SLC39A11: variants seen among roughly 807,000 people sequenced by gnomAD.
The protein encoded by SLC39A11 is zinc transporter ZIP11.
SLC39A11 carries 33 observed loss-of-function variants against 36.1 expected under a neutral mutation model. The ratio of observed to expected loss-of-function variants is 0.91; its 90% CI spans 0.69 to 1.22. The LOEUF (loss-of-function observed/expected upper bound fraction) is 1.22, where lower values mean the gene tolerates loss of function less well. Ranked by LOEUF, SLC39A11 falls within the 50% of genes most tolerant of loss-of-function variation. The pLI, the probability that SLC39A11 is intolerant of heterozygous loss-of-function variation, is 0.00. For synonymous variants in SLC39A11, 166 were observed against 170.3 expected (o/e 0.97, Z 0.20); for missense variants, 432 against 430.3 (o/e 1.00, Z -0.03).
chr17:72,932,221 T>A (rs940609508), intron 5 of SLC39A11, among the ~76,000 whole-genome samples: 6 of 152,026 alleles, frequency 3.9e-5, no homozygotes, highest in African/African-American at 1.4e-4. Flanking sequence ...ACTAAGGAGC[T>A]GAGTCAGAAT....
intron 5 of SLC39A11, among the ~76,000 whole-genome samples, chr17:72,921,386 T>C (rs1052604473): frequency 4.6e-5 from 7 of 152,136 alleles, no homozygotes; most frequent in African/African-American, 1.7e-4. Flanking sequence ...TGAACACTTG[T>C]CACAGAAAGA....
At chr17:72,749,690 C>A (rs931101394) in intron 6 of SLC39A11, among the ~76,000 whole-genome samples, 1 of 152,068 alleles carries the variant, frequency 6.6e-6, no homozygotes, top group African/African-American at 2.4e-5. Context: ...TAAGTGCCAC[C>A]CCACCCTAGA....
chr17:72,675,356 C>T (rs183984278), intron 7 of SLC39A11, among the ~76,000 whole-genome samples: 16 of 152,302 alleles, frequency 1.1e-4, no homozygotes, highest in East Asian at 5.8e-4. Flanking sequence ...TGGGTCCTCA[C>T]GGGCACTGAA....
At chr17:72,654,568 A>AG (rs1266206891) in intron 7 of SLC39A11, among the ~76,000 whole-genome samples, 3 of 152,128 alleles carry the variant, frequency 2.0e-5, no homozygotes, top group East Asian at 1.9e-4. Flanking sequence ...ATAGACCCTC[A>AG]GGGGGGCCCC....
At chr17:72,736,953 A>G (rs530904292) in intron 6 of SLC39A11, among the ~76,000 whole-genome samples, 42 of 152,308 alleles carry the variant, frequency 2.8e-4, no homozygotes, top group Admixed American at 4.6e-4. Flanking sequence ...AATTGAAAAA[A>G]CAATGACTAT....
chr17:72,807,246 T>A (rs1568124930), intron 6 of SLC39A11, among the ~76,000 whole-genome samples: 1 of 152,234 alleles, frequency 6.6e-6, no homozygotes, highest in Non-Finnish European at 1.5e-5. Context: ...AATTAATTTT[T>A]CTGTCTTTAT....
At chr17:72,676,070 T>TCTCACACACACA (rs1555634314) in intron 7 of SLC39A11, among the ~76,000 whole-genome samples, 14 of 130,002 alleles carry the variant, frequency 1.1e-4, no homozygotes, top group African/African-American at 4.0e-4. Flanking sequence ...TCACAATGTT[T>TCTCACACACACA]CACACACACA....
chr17:72,860,456 T>G (rs563879898), intron 5 of SLC39A11, among the ~76,000 whole-genome samples: 19 of 152,198 alleles, frequency 1.2e-4, no homozygotes, highest in Non-Finnish European at 2.5e-4. Context: ...TGGGCACAGT[T>G]TATGAGTCTG....
chr17:72,664,948 T>C (rs1474601195), intron 7 of SLC39A11, among the ~76,000 whole-genome samples: 7 of 152,232 alleles, frequency 4.6e-5, no homozygotes, highest in Non-Finnish European at 8.8e-5. Flanking sequence ...TACTTCTACC[T>C]TGGGGCATTT....
chr17:72,885,820 C>T (rs1177533848), intron 5 of SLC39A11, among the ~76,000 whole-genome samples: 2 of 152,130 alleles, frequency 1.3e-5, no homozygotes, highest in East Asian at 1.9e-4. Flanking sequence ...CTACTTAATG[C>T]CGACTCTCCA....
chr17:72,672,502 C>T (rs1027178634), intron 7 of SLC39A11, among the ~76,000 whole-genome samples: 3 of 152,214 alleles, frequency 2.0e-5, no homozygotes, highest in Non-Finnish European at 2.9e-5. Flanking sequence ...CTCTCATTCT[C>T]GACCAGCACC....
chr17:73,002,175 G>A (rs953346980), intron 4 of SLC39A11, among the ~76,000 whole-genome samples: 8 of 151,958 alleles, frequency 5.3e-5, no homozygotes, highest in Non-Finnish European at 1.2e-4. Context: ...ACAATGACCC[G>A]CCATTGCCTG....
intron 4 of SLC39A11, among the ~76,000 whole-genome samples, chr17:72,979,097 G>T (rs905969407): frequency 6.6e-6 from 1 of 152,140 alleles, no homozygotes; most frequent in Non-Finnish European, 1.5e-5. Context: ...AATCATGGGG[G>T]CAGTTTCCCC....
chr17:72,720,061 C>A (rs1223461350), intron 7 of SLC39A11, among the ~76,000 whole-genome samples: 1 of 152,202 alleles, frequency 6.6e-6, no homozygotes. Context: ...GCCGTCGACA[C>A]CCCTAGCACA....
At chr17:72,902,337 A>G (rs570142160) in intron 5 of SLC39A11, among the ~76,000 whole-genome samples, 1 of 152,214 alleles carries the variant, frequency 6.6e-6, no homozygotes, top group African/African-American at 2.4e-5. Flanking sequence ...AGGCGACATC[A>G]AAAGCAGAGA....
chr17:72,772,487 CAT>C (rs2075981948), intron 6 of SLC39A11, among the ~76,000 whole-genome samples: 1 of 152,190 alleles, frequency 6.6e-6, no homozygotes, highest in African/African-American at 2.4e-5. Context: ...CCGGAAGCCA[CAT>C]AGTGAGTGCT....
intron 6 of SLC39A11, among the ~76,000 whole-genome samples, chr17:72,763,005 G>A (rs990374409): frequency 6.6e-6 from 1 of 152,168 alleles, no homozygotes; most frequent in African/African-American, 2.4e-5. Context: ...CCTCTAAACT[G>A]TGGTTTCCAA....
At chr17:72,924,788 G>A (rs1423117300) in intron 5 of SLC39A11, among the ~76,000 whole-genome samples, 1 of 152,088 alleles carries the variant, frequency 6.6e-6, no homozygotes, top group Non-Finnish European at 1.5e-5. Flanking sequence ...TGGATCACGA[G>A]GTCAGGAGTT....
chr17:72,688,882 T>A (rs2071880511), intron 7 of SLC39A11, among the ~76,000 whole-genome samples: 1 of 152,212 alleles, frequency 6.6e-6, no homozygotes, highest in Admixed American at 6.5e-5. Context: ...GCAGCTACTC[T>A]AGCTCTGACT....
Sources: allele counts gnomAD v4.1 joint callset (sites outside exome capture counted in the v4.1 genomes callset), GRCh38; gene constraint gnomAD v4.1.1; transcripts MANE v1.5; gene names NCBI Gene and HGNC (gene_info 2026-07-23, HGNC 2026-07-21).